DSE: variants seen among roughly 807,000 people sequenced by gnomAD.
DSE encodes dermatan sulfate epimerase.
Under a neutral mutation model 84.4 loss-of-function variants are expected in DSE, and 36 were observed. The ratio of observed to expected loss-of-function variants is 0.43; its 90% CI spans 0.33 to 0.56. The LOEUF is 0.56. Among genes scored for constraint, DSE ranks in the 20% least tolerant of loss-of-function variants. The pLI is 0.06. For synonymous variants in DSE, 410 were observed against 430.1 expected, an observed-to-expected ratio of 0.95 and a Z score of 0.58; for missense variants, 862 against 1,169.6, an observed-to-expected ratio of 0.74 and a Z score of 3.84.
At chr6:116,348,488 A>G (rs541647950) in intron 2 of DSE, among the ~76,000 whole-genome samples, 29 of 152,126 alleles carry the variant, frequency 1.9e-4, no homozygotes, top group African/African-American at 7.0e-4. Context: ...GGTGCTGGAG[A>G]GGATGTGGAG....
chr6:116,372,106 C>A (rs563411397), intron 1 of DSE, among the ~76,000 whole-genome samples: 2 of 152,292 alleles, frequency 1.3e-5, no homozygotes, highest in South Asian at 4.1e-4. Flanking sequence ...TGAAAGATCT[C>A]ACTTATACAT....
intron 2 of DSE, among the ~76,000 whole-genome samples, chr6:116,364,359 A>G (rs537751963): frequency 4.7e-4 from 72 of 152,376 alleles, no homozygotes; most frequent in African/African-American, 1.7e-3. Context: ...AGGACATAGA[A>G]ACATGTCACT....
chr6:116,279,555 C>T (rs759556042), intron 2 of DSE: 2 of 1,603,496 alleles, frequency 1.2e-6, no homozygotes, highest in South Asian at 1.1e-5. Flanking sequence ...CTTTGATCGC[C>T]ACATGACCGC....
exon 2 of DSE, chr6:116,258,515 T>TG (rs1562186956): frequency 1.6e-6 from 2 of 1,242,154 alleles, no homozygotes. Flanking sequence ...CTTGGCCACA[T>TG]GCTCCAAGAA....
In DSE at chr6:116,437,101, G is replaced by A. The variant is rs1181055701; in HGVS notation, c.2633G>A (p.Gly878Asp). The stretch of plus-strand genomic sequence containing the variant: ...CATAAAAATGGGGGCTTGATTAAAG[G>A]CCGGTTTGGACAGGCACGGATGGTG... ...EKHKNGGLIK[G>D]RFGQARMVTT... is the part of the protein sequence containing the mutation. Residue 878 changes from glycine to aspartate, a missense_variant, in exon 6 of 6, where the codon GGC (glycine) becomes GAC (aspartate). Physicochemically the swap from Gly to Asp is moderately conservative, Grantham distance 94 (BLOSUM62 -1). This residue lies in a region of DSE where 315 missense variants were observed against 348.1 expected (regional missense o/e 0.90). Coordinates refer to ENST00000644252, the MANE Select transcript of DSE (RefSeq NM_013352.4). The A allele has an allele frequency of 6.2e-7, 1 of 1,614,056 alleles. No individual in the cohort carries two copies. The highest frequency in any genetic ancestry group is 8.5e-7 in the Non-Finnish European group (1 of 1,180,002).
chr6:116,437,306 A>G lies in DSE; in HGVS notation c.2838A>G (p.Leu946=), dbSNP rs1372320433. 1 of 1,613,576 alleles carries G rather than the reference A, an allele frequency of 6.2e-7. No individual in the cohort carries two copies. The highest frequency in any genetic ancestry group is 1.7e-5 in the Admixed American group (1 of 59,966). The change falls in exon 6 of 6, where the codon TTA becomes TTG. Residue 946 remains leucine, a synonymous_variant. Transcript: ENST00000644252. The part of the protein sequence containing the change: ...YAVLLIDSCI[L]LWLYSSCSQS... ...TTCTTCTCATAGATAGCTGTATTTT[A>G]TTATGGTTGTACTCTTCTTGTTCCC...
intron 1 of DSE, among the ~76,000 whole-genome samples, chr6:116,384,482 G>T (rs566904523): frequency 6.6e-6 from 1 of 152,298 alleles, no homozygotes; most frequent in African/African-American, 2.4e-5. Context: ...GACTTAGTGG[G>T]AGCTTTGTGC....
At position 116,437,019 on chromosome 6, in the gene DSE, G is replaced by A. The variant is rs1357731993; in HGVS notation, c.2551G>A (p.Asp851Asn). ...TTTGGCACAGAAAGAACTACCCATAGATGAAGATGAAGAAATGAAAGACCT... is the reference window on the plus strand; with the variant it reads ...TTTGGCACAGAAAGAACTACCCATAAATGAAGATGAAGAAATGAAAGACCT... Reference protein sequence around the residue: ...QILAQKELPIDEDEEMKDLLD... With the variant: ...QILAQKELPINEDEEMKDLLD... Residue 851 changes from aspartate (D) to asparagine (N), a missense_variant, in exon 6 of 6, where the codon GAT (aspartate) becomes AAT (asparagine). By Grantham distance (23) the Asp-to-Asn change is conservative. Around this residue, in one of 4 missense-constraint regions of DSE, gnomAD observed 315 missense variants for 348.1 expected, o/e 0.90. Coordinates refer to ENST00000644252, the MANE Select transcript of DSE (RefSeq NM_013352.4). The A allele has an allele frequency of 6.2e-7, 1 of 1,614,056 alleles. No individual in the cohort carries two copies. The highest frequency in any genetic ancestry group is 1.3e-5 in the African/African-American group (1 of 75,002).
chr6:116,348,051 A>G (rs1048225292), intron 2 of DSE, among the ~76,000 whole-genome samples: 3 of 152,256 alleles, frequency 2.0e-5, no homozygotes, highest in Non-Finnish European at 4.4e-5. Context: ...AAAAATGGTC[A>G]TCATCACTGG....
intron 2 of DSE, among the ~76,000 whole-genome samples, chr6:116,418,694 GT>G (rs1782882264): frequency 6.6e-6 from 1 of 152,190 alleles, no homozygotes; most frequent in South Asian, 2.1e-4. Context: ...ACTCTGGCAT[GT>G]TCTGGCTCAG....
intron 2 of DSE, among the ~76,000 whole-genome samples, chr6:116,312,369 T>C (rs1775740977): frequency 6.6e-6 from 1 of 152,268 alleles, no homozygotes; most frequent in Non-Finnish European, 1.5e-5. Flanking sequence ...GATAAGTTAC[T>C]TTTAAGTCAC....
chr6:116,404,187 TGATTTTCCG>T (rs1286477597), intron 2 of DSE, among the ~76,000 whole-genome samples: 4 of 152,182 alleles, frequency 2.6e-5, no homozygotes, highest in African/African-American at 9.7e-5. Flanking sequence ...AAATTCTTAG[TGATTTTCCG>T]GAGCTAAAAA....
chr6:116,254,264 T>A (rs1164111227), exon 1 of DSE: 2 of 680,346 alleles, frequency 2.9e-6, no homozygotes, highest in Non-Finnish European at 5.4e-6. Context: ...GAGTTTTACT[T>A]ACGTAAATGG....
At chr6:116,390,086 TA>T (rs1450984467) in intron 1 of DSE, among the ~76,000 whole-genome samples, 6 of 151,638 alleles carry the variant, frequency 4.0e-5, no homozygotes, top group African/African-American at 1.5e-4. Context: ...TTTATTTTAT[TA>T]TTTTTTTTTT....
At chr6:116,299,693 A>G (rs978157208) in intron 2 of DSE, among the ~76,000 whole-genome samples, 1 of 151,784 alleles carries the variant, frequency 6.6e-6, no homozygotes, top group Non-Finnish European at 1.5e-5. Context: ...CTTGTACCAC[A>G]TAGAATCTCT....
At chr6:116,356,343 T>C (rs1054579036) in intron 2 of DSE, among the ~76,000 whole-genome samples, 24 of 152,176 alleles carry the variant, frequency 1.6e-4, no homozygotes, top group Non-Finnish European at 1.2e-4. Flanking sequence ...CAGTAGCCAC[T>C]AGGCACATGT....
chr6:116,437,315 G>A lies in DSE; in HGVS notation c.2847G>A (p.Leu949=). 1.2e-6 allele frequency: 2 copies of A among 1,612,488 alleles called. No individual in the cohort carries two copies. Among genetic ancestry groups the A allele is most frequent in the Non-Finnish European group, 1.7e-6 (2 of 1,179,322 alleles). The change falls in exon 6 of 6, where the codon TTG becomes TTA. Residue 949 remains leucine (L), a synonymous_variant. Transcript: ENST00000644252. The part of the protein sequence containing the change: ...LLIDSCILLW[L]YSSCSQSQC ...TAGATAGCTGTATTTTATTATGGTT[G>A]TACTCTTCTTGTTCCCAATCACAGT...
intron 2 of DSE, among the ~76,000 whole-genome samples, chr6:116,323,749 C>A (rs1368806596): frequency 6.6e-6 from 1 of 151,816 alleles, no homozygotes; most frequent in Non-Finnish European, 1.5e-5. Flanking sequence ...AAATATACAC[C>A]AAGAGAAAAA....
At chr6:116,352,991 C>G (rs973879041) in intron 2 of DSE, among the ~76,000 whole-genome samples, 1 of 152,152 alleles carries the variant, frequency 6.6e-6, no homozygotes, top group Non-Finnish European at 1.5e-5. Flanking sequence ...TCAGACAAGT[C>G]CATCAGGGAC....
Sources: gnomAD v4.1 joint callset for allele counts (sites outside exome capture counted in the v4.1 genomes callset) on GRCh38, gnomAD v4.1.1 for gene constraint, gnomAD v4.1.1 regional missense constraint, MANE v1.5 for transcripts, NCBI Gene and HGNC (gene_info 2026-07-23, HGNC 2026-07-21) for gene names.